Variants in SLC16A1 observed in about 807,000 individuals in gnomAD.
SLC16A1 encodes the protein monocarboxylate transporter 1.
In SLC16A1, 11 loss-of-function variants were observed where a neutral mutation model predicts 32.2. That is an observed-to-expected ratio of 0.34 (90% confidence interval 0.21 to 0.56). The LOEUF (loss-of-function observed/expected upper bound fraction) is 0.56. SLC16A1 is among the 20% of genes least tolerant of loss of function. The pLI is 0.87. For synonymous variants in SLC16A1, 231 were observed against 226.8 expected (o/e 1.02, Z -0.17); for missense variants, 435 against 615.0 (o/e 0.71, Z 3.10).
chr1:112,923,392 C>G, intron 2 of SLC16A1: 1 of 614,404 alleles, frequency 1.6e-6, no homozygotes, highest in East Asian at 3.0e-5. Flanking sequence ...ACGTTGCTCC[C>G]GGGCTGTCGC....
In SLC16A1 at chr1:112,912,031, A is replaced by C. The variant is rs1159232998; in HGVS notation, c.*1860T>G. ...CAAGCCTGCCAATACTCTCAGCAGCAGTTTTCTCCTCTAACACTCTTCCTC... is the reference window on the plus strand; with the variant it reads ...CAAGCCTGCCAATACTCTCAGCAGCCGTTTTCTCCTCTAACACTCTTCCTC... On this transcript the variant is annotated 3_prime_UTR_variant, in exon 5 of 5. Transcript: ENST00000369626. 6.6e-6 allele frequency: 1 copy of C among 152,240 alleles called. No individual in the cohort carries two copies. The highest frequency in any genetic ancestry group is 1.5e-5 in the Non-Finnish European group (1 of 68,048). The allele number at this position is 152,240 out of a possible 1,614,324, so 9.4% of individuals were successfully genotyped here. A position where few individuals can be genotyped will look rare whatever the true frequency, so the allele number is the denominator to read the frequency against.
intron 1 of SLC16A1, among the ~76,000 whole-genome samples, chr1:112,944,412 C>A (rs1272345656): frequency 6.6e-6 from 1 of 152,182 alleles, no homozygotes; most frequent in Non-Finnish European, 1.5e-5. Context: ...CCACTGGACC[C>A]CAGCCTGGGC....
Position 112,921,974 on chromosome 1 carries a change from A to C in SLC16A1, c.361+16T>G. ...GCCATAAACTAATGCTTCCAAATGA[A>C]TCAGTAGTAACTCACCTCCAATGAC... On this transcript the variant is annotated intron_variant, in intron 3 of 4. Coordinates refer to ENST00000369626, the MANE Select transcript of SLC16A1 (RefSeq NM_003051.4). The C allele has an allele frequency of 6.2e-7, 1 of 1,614,108 alleles. No homozygotes were observed. Among genetic ancestry groups the C allele is most frequent in the Non-Finnish European group, 8.5e-7 (1 of 1,179,964 alleles).
At chr1:112,938,540 A>G (rs2101642539) in intron 1 of SLC16A1, among the ~76,000 whole-genome samples, 1 of 152,362 alleles carries the variant, frequency 6.6e-6, no homozygotes, top group South Asian at 2.1e-4. Context: ...CGAAATGCAT[A>G]ATTTTGATCA....
At position 112,923,668 on chromosome 1, in the gene SLC16A1, TG is replaced by T; in HGVS notation, c.218-1536del. ...CTGAAGTGGCTGCAGTGTCCCCGAGTGGACCTCTTCTACCTGCTCAGGCCAG... is the reference window on the plus strand; with the variant it reads ...CTGAAGTGGCTGCAGTGTCCCCGAGTGACCTCTTCTACCTGCTCAGGCCAG... On this transcript the variant is annotated intron_variant, in intron 2 of 4. Transcript: ENST00000369626. 2.0e-6 allele frequency: 3 copies of T among 1,508,934 alleles called. No individual in the cohort carries two copies. In the South Asian group the frequency reaches 3.4e-5, roughly 17 times the overall value. The allele number at this position is 1,508,934 out of a possible 1,614,324, so 93.5% of individuals were successfully genotyped here. A position where few individuals can be genotyped will look rare whatever the true frequency, so the allele number is the denominator to read the frequency against.
intron 1 of SLC16A1, among the ~76,000 whole-genome samples, chr1:112,951,782 T>C (rs1311969493): frequency 6.6e-5 from 10 of 152,184 alleles, no homozygotes. Context: ...CCTCAATACA[T>C]TTAAATACAT....
rs186382044 is a variant in SLC16A1 at position 112,922,522 on chromosome 1, C to T, written c.218-389G>A. On this transcript the variant is annotated intron_variant, in intron 2 of 4. Coordinates refer to ENST00000369626, the MANE Select transcript of SLC16A1 (RefSeq NM_003051.4). The stretch of plus-strand genomic sequence containing the variant: ...GGCGCAGTAGCTCACGCCTGTAATC[C>T]CAGCACTTTGGGAGGCTGGGGCAGG... 4.6e-3 allele frequency: 1,165 copies of T among 252,248 alleles called. 16 individuals carry two copies. Among genetic ancestry groups the T allele is most frequent in the African/African-American group, 0.024 (1,063 of 43,512 alleles). The allele number at this position is 252,248 out of a possible 1,614,324, so 15.6% of individuals were successfully genotyped here.
At chr1:112,933,154 G>T (rs946497514) in intron 1 of SLC16A1, among the ~76,000 whole-genome samples, 18 of 152,094 alleles carry the variant, frequency 1.2e-4, no homozygotes, top group Non-Finnish European at 1.8e-4. Flanking sequence ...AAAGATTTCT[G>T]AAGGAACATA....
chr1:112,920,542 A>G (rs1202520945), intron 3 of SLC16A1, among the ~76,000 whole-genome samples: 2 of 151,938 alleles, frequency 1.3e-5, no homozygotes, highest in Non-Finnish European at 2.9e-5. Context: ...GGAGGCGGAG[A>G]TTGCAGTGAG....
intron 1 of SLC16A1, chr1:112,955,457 G>C (rs1285152477): frequency 6.6e-6 from 1 of 152,254 alleles, no homozygotes; most frequent in East Asian, 1.9e-4. Flanking sequence ...CGTCCCCTCC[G>C]CAAAGTCTAC....
At chr1:112,928,753 T>C (rs1365320773) in intron 2 of SLC16A1, among the ~76,000 whole-genome samples, 2 of 152,210 alleles carry the variant, frequency 1.3e-5, no homozygotes, top group African/African-American at 4.8e-5. Context: ...TCTATATTTA[T>C]GTTTACATTT....
In SLC16A1 at chr1:112,913,762, C is replaced by G; in HGVS notation, c.*129G>C. On this transcript the variant is annotated 3_prime_UTR_variant, in exon 5 of 5. Coordinates refer to ENST00000369626, the MANE Select transcript of SLC16A1 (RefSeq NM_003051.4). Reference sequence around the variant, plus strand: ...GTCAAACAAAAATCCCATCAATGAACAACTGGTATGATTTCCACACAAATG... The same window carrying G: ...GTCAAACAAAAATCCCATCAATGAAGAACTGGTATGATTTCCACACAAATG... 1 of 1,172,706 alleles carries G rather than the reference C, an allele frequency of 8.5e-7. No homozygotes were observed. Among genetic ancestry groups the G allele is most frequent in the South Asian group, 1.3e-5 (1 of 79,576 alleles). 72.6% of individuals were successfully genotyped at this position (1,172,706 alleles called of 1,614,324 possible).
chr1:112,921,796 A>C (rs1648744780), intron 3 of SLC16A1, among the ~76,000 whole-genome samples, 194 bp downstream of exon 3: 1 of 152,210 alleles, frequency 6.6e-6, no homozygotes, highest in African/African-American at 2.4e-5. Context: ...ACAAACAATA[A>C]ATATCCATTA....
At chr1:112,924,735 G>C (rs1256094122) in intron 2 of SLC16A1, among the ~76,000 whole-genome samples, 3 of 152,072 alleles carry the variant, frequency 2.0e-5, no homozygotes, top group Non-Finnish European at 4.4e-5. Context: ...ATATCTTTCA[G>C]GGGCCAGGTA....
chr1:112,951,579 C>A (rs184512622), intron 1 of SLC16A1, among the ~76,000 whole-genome samples: 124 of 152,238 alleles, frequency 8.1e-4, no homozygotes, highest in Middle Eastern at 3.4e-3. Context: ...AGTAGTGATT[C>A]TACTAGGTAT....
At position 112,927,105 on chromosome 1, in the gene SLC16A1, G is replaced by A. The variant is rs533670231; in HGVS notation, c.217+1987C>T. ...CATGCCACTGTACTCCTGGTCAACA[G>A]TGAGACCCTGTGTCAAAAAAAAAAA... On this transcript the variant is annotated intron_variant, in intron 2 of 4. Transcript: ENST00000369626. Among the ~76,000 whole-genome samples the A allele has an allele frequency of 6.4e-5, 9 of 139,988 alleles. No homozygotes were observed. In the South Asian group the frequency reaches 2.1e-3, roughly 32 times the overall value. 91.8% of individuals were successfully genotyped at this position (139,988 alleles called of 152,430 possible).
chr1:112,921,081 C>T (rs1648710090), intron 3 of SLC16A1, among the ~76,000 whole-genome samples: 1 of 149,066 alleles, frequency 6.7e-6, no homozygotes, highest in Non-Finnish European at 1.5e-5. Flanking sequence ...GCGGAGCTTG[C>T]AGTGAGCTGA....
intron 1 of SLC16A1, among the ~76,000 whole-genome samples, chr1:112,951,182 TC>T (rs1220867086): frequency 6.6e-6 from 1 of 151,834 alleles, no homozygotes. Context: ...CCTATAACAC[TC>T]CCTTCCTGCA....
At chr1:112,924,116 T>C in intron 2 of SLC16A1, 1 of 1,377,400 alleles carries the variant, frequency 7.3e-7, no homozygotes. Flanking sequence ...AGGCCGCGTA[T>C]GGCGCCAGCG....
Sources: gnomAD v4.1 joint callset for allele counts (sites outside exome capture counted in the v4.1 genomes callset) on GRCh38, gnomAD v4.1.1 for gene constraint, MANE v1.5 for transcripts, NCBI Gene and HGNC (gene_info 2026-07-23, HGNC 2026-07-21) for gene names.